Variants in RBFOX1 observed in about 807,000 individuals in gnomAD.
RBFOX1 encodes the protein RNA binding fox-1 homolog 1, also known as RNA binding protein fox-1 homolog 1.
RBFOX1 carries 8 observed loss-of-function variants against 57.7 expected under a neutral mutation model. The observed-to-expected ratio is 0.14, with a 90% confidence interval of 0.08 to 0.25. The LOEUF is 0.25. RBFOX1 is among the 10% of genes least tolerant of loss of function. The pLI is 1.00. For synonymous variants in RBFOX1, 326 were observed against 222.4 expected (o/e 1.47, Z -4.15); for missense variants, 611 against 548.5 (o/e 1.11, Z -1.14).
At chr16:5,799,056 GA>G (rs1335126014) in intron 3 of RBFOX1, among the ~76,000 whole-genome samples, 1 of 152,096 alleles carries the variant, frequency 6.6e-6, no homozygotes, top group African/African-American at 2.4e-5. Context: ...AATTTGTAAA[GA>G]AAAAGAGTTT....
At chr16:7,702,718 C>T (rs961795028) in intron 14 of RBFOX1, among the ~76,000 whole-genome samples, 2 of 152,130 alleles carry the variant, frequency 1.3e-5, no homozygotes, top group African/African-American at 2.4e-5. Context: ...GCATTTTGTC[C>T]AAACACAGAA....
intron 1 of RBFOX1, among the ~76,000 whole-genome samples, chr16:6,114,733 T>C (rs1007895943): frequency 6.6e-6 from 1 of 152,176 alleles, no homozygotes; most frequent in Non-Finnish European, 1.5e-5. Flanking sequence ...TGGCTAGTGA[T>C]GCAGGACGGG....
intron 2 of RBFOX1, among the ~76,000 whole-genome samples, chr16:5,470,792 G>C (rs1041291689): frequency 6.6e-6 from 1 of 152,094 alleles, no homozygotes; most frequent in African/African-American, 2.4e-5. Flanking sequence ...ATTGCATCTA[G>C]AGGCTTCTCC....
intron 2 of RBFOX1, among the ~76,000 whole-genome samples, chr16:6,570,369 A>C (rs2097328282): frequency 6.6e-6 from 1 of 152,196 alleles, no homozygotes; most frequent in Non-Finnish European, 1.5e-5. Context: ...AACAGGCCAA[A>C]GTAAGTAAAA....
downstream of RBFOX1, among the ~76,000 whole-genome samples, chr16:5,601,900 G>A (rs2047377303): frequency 6.6e-6 from 1 of 152,190 alleles, no homozygotes; most frequent in Non-Finnish European, 1.5e-5. Context: ...CTTGGGTTGG[G>A]TCAGGTATTT....
intron 3 of RBFOX1, among the ~76,000 whole-genome samples, chr16:6,769,407 A>T (rs945008356): frequency 2.0e-5 from 3 of 152,200 alleles, no homozygotes; most frequent in African/African-American, 7.2e-5. Flanking sequence ...CAGACTAAGA[A>T]TACAGCAGTA....
intron 3 of RBFOX1, among the ~76,000 whole-genome samples, chr16:5,731,085 A>G (rs949383442): frequency 6.6e-6 from 1 of 152,136 alleles, no homozygotes; most frequent in South Asian, 2.1e-4. Flanking sequence ...CACCATCACC[A>G]TCAACATCAT....
chr16:6,993,222 C>T (rs559389350), intron 3 of RBFOX1, among the ~76,000 whole-genome samples: 2 of 152,278 alleles, frequency 1.3e-5, no homozygotes, highest in African/African-American at 4.8e-5. Context: ...TGTGCAATGA[C>T]TTGTTGCTAC....
chr16:6,730,907 G>C (rs539963438), intron 3 of RBFOX1, among the ~76,000 whole-genome samples: 27 of 152,222 alleles, frequency 1.8e-4, no homozygotes, highest in African/African-American at 5.5e-4. Flanking sequence ...ATATGGGGTG[G>C]GGAGATTTCT....
chr16:6,133,989 T>C (rs2096648095), intron 1 of RBFOX1, among the ~76,000 whole-genome samples: 1 of 152,062 alleles, frequency 6.6e-6, no homozygotes, highest in Non-Finnish European at 1.5e-5. Flanking sequence ...CAGGGTCAAG[T>C]GCAGTGGCGC....
rs2095358968 is a variant in RBFOX1 at position 6,480,698 on chromosome 16, G to T, written c.-64+163641G>T. On this transcript the variant is annotated intron_variant, in intron 2 of 15. Transcript: ENST00000550418. The stretch of plus-strand genomic sequence containing the variant: ...TATTATATTAGTGCATTCTCTTTCA[G>T]AAATGGTGTCATAAGTGTAGAAGTC... 4.6e-5 allele frequency among the ~76,000 whole-genome samples: 7 copies of T among 152,126 alleles called. No individual in the cohort carries two copies. The South Asian group carries it at 1.4e-3, about 31-fold the overall frequency.
chr16:7,175,651 C>G (rs1229828156), intron 4 of RBFOX1, among the ~76,000 whole-genome samples: 1 of 152,194 alleles, frequency 6.6e-6, no homozygotes, highest in African/African-American at 2.4e-5. Flanking sequence ...CTGTGTGCCT[C>G]CAGTGTGCAG....
intron 1 of RBFOX1, among the ~76,000 whole-genome samples, chr16:6,163,763 T>A (rs1421747479): frequency 6.6e-6 from 1 of 152,222 alleles, no homozygotes; most frequent in Non-Finnish European, 1.5e-5. Flanking sequence ...ACCTAAATCT[T>A]CAGTATTTAT....
intron 3 of RBFOX1, among the ~76,000 whole-genome samples, chr16:6,772,971 TTGTGTGCGTG>T (rs2078608982): frequency 7.9e-6 from 1 of 127,202 alleles, no homozygotes; most frequent in Non-Finnish European, 1.6e-5. Context: ...TGGGGTGCAT[TTGTGTGCGTG>T]TGTGTGGGTG....
At chr16:6,328,292 G>A (rs915215584) in intron 2 of RBFOX1, among the ~76,000 whole-genome samples, 2 of 152,094 alleles carry the variant, frequency 1.3e-5, no homozygotes, top group South Asian at 2.1e-4. Flanking sequence ...AGGGTGGGAG[G>A]GGGATGAAGG....
intron 2 of RBFOX1, among the ~76,000 whole-genome samples, chr16:6,635,416 A>G (rs1230618661): frequency 6.6e-6 from 1 of 152,102 alleles, no homozygotes; most frequent in Non-Finnish European, 1.5e-5. Flanking sequence ...AGGACCAAAG[A>G]CTTGGTGCCA....
intron 3 of RBFOX1, among the ~76,000 whole-genome samples, chr16:6,714,780 A>G (rs539296555): frequency 3.0e-4 from 46 of 152,224 alleles, no homozygotes; most frequent in African/African-American, 1.0e-3. Flanking sequence ...AAACAGTGCA[A>G]TTTGTTAGGA....
chr16:7,033,256 A>C (rs1326360023), intron 3 of RBFOX1, among the ~76,000 whole-genome samples: 1 of 152,234 alleles, frequency 6.6e-6, no homozygotes, highest in Non-Finnish European at 1.5e-5. Flanking sequence ...ACAGTGGGTC[A>C]CGCCTGTAAT....
chr16:7,390,402 G>C (rs139843662), intron 4 of RBFOX1, among the ~76,000 whole-genome samples: 1 of 152,154 alleles, frequency 6.6e-6, no homozygotes, highest in Non-Finnish European at 1.5e-5. Flanking sequence ...ATGAGATTTC[G>C]ATACTTGGAG....
Sources: gnomAD v4.1 joint callset for allele counts (sites outside exome capture counted in the v4.1 genomes callset) on GRCh38, gnomAD v4.1.1 for gene constraint, MANE v1.5 for transcripts, NCBI Gene and HGNC (gene_info 2026-07-23, HGNC 2026-07-21) for gene names.